Variants in GRIN2B observed in about 807,000 individuals in gnomAD.
The protein encoded by GRIN2B is glutamate receptor ionotropic, NMDA 2B.
A neutral mutation model predicts 114.5 loss-of-function variants in GRIN2B; 5 were observed. The observed-to-expected ratio is 0.04, with a 90% CI of 0.02 to 0.09. GRIN2B has a LOEUF of 0.09. GRIN2B is among the 10% of genes least tolerant of loss of function. GRIN2B has a pLI of 1.00. For synonymous variants in GRIN2B, 787 were observed against 745.1 expected, an observed-to-expected ratio of 1.06 and a Z score of -0.92; for missense variants, 1,108 against 1,943.5, an observed-to-expected ratio of 0.57 and a Z score of 8.08.
intron 4 of GRIN2B, among the ~76,000 whole-genome samples, chr12:13,744,249 T>A (rs1280417367): frequency 6.6e-6 from 1 of 152,222 alleles, no homozygotes; most frequent in Non-Finnish European, 1.5e-5. Flanking sequence ...TATCCCATAT[T>A]CAACCTTTCT....
At chr12:13,879,715 T>C (rs933672263) in intron 2 of GRIN2B, among the ~76,000 whole-genome samples, 3 of 152,186 alleles carry the variant, frequency 2.0e-5, no homozygotes, top group Non-Finnish European at 4.4e-5. Flanking sequence ...GCCATAGGAA[T>C]GGCAAGGGGG....
At chr12:13,899,968 T>C (rs904242127) in intron 2 of GRIN2B, among the ~76,000 whole-genome samples, 2 of 152,208 alleles carry the variant, frequency 1.3e-5, no homozygotes, top group African/African-American at 4.8e-5. Flanking sequence ...ATATTATTCA[T>C]AGGCTCCAAA....
chr12:13,696,883 G>C (rs1401793682), intron 4 of GRIN2B, among the ~76,000 whole-genome samples: 1 of 152,128 alleles, frequency 6.6e-6, no homozygotes, highest in Non-Finnish European at 1.5e-5. Context: ...CCCCCACCAA[G>C]CCCTTTGCAG....
chr12:13,845,231 G>A (rs1388370321), intron 3 of GRIN2B, among the ~76,000 whole-genome samples: 1 of 152,096 alleles, frequency 6.6e-6, no homozygotes, highest in Admixed American at 6.6e-5. Flanking sequence ...GTCTGCCTAC[G>A]ATTATCAGAA....
chr12:13,648,981 G>GA (rs1180143246), intron 5 of GRIN2B, among the ~76,000 whole-genome samples: 2 of 152,018 alleles, frequency 1.3e-5, no homozygotes, highest in Admixed American at 6.6e-5. Flanking sequence ...AATAGCCTGG[G>GA]AAAAAATAGC....
intron 4 of GRIN2B, among the ~76,000 whole-genome samples, chr12:13,748,003 T>C (rs1863416665): frequency 6.6e-6 from 1 of 152,204 alleles, no homozygotes; most frequent in South Asian, 2.1e-4. Context: ...ATTGAGCTTA[T>C]CACAGCTCTT....
At chr12:13,754,982 C>T (rs766496430) in intron 3 of GRIN2B, among the ~76,000 whole-genome samples, 75 of 152,198 alleles carry the variant, frequency 4.9e-4, no homozygotes, top group Non-Finnish European at 9.7e-4. Flanking sequence ...AAAATGAACA[C>T]CCTCTCAGTC....
intron 4 of GRIN2B, among the ~76,000 whole-genome samples, chr12:13,720,148 T>TA (rs1381776194): frequency 1.3e-5 from 2 of 151,870 alleles, no homozygotes; most frequent in Non-Finnish European, 2.9e-5. Context: ...TTTGTCTAAT[T>TA]AAAAAATAAG....
intron 2 of GRIN2B, among the ~76,000 whole-genome samples, chr12:13,890,007 G>A (rs1866231352): frequency 1.3e-5 from 2 of 152,138 alleles, no homozygotes; most frequent in Non-Finnish European, 1.5e-5. Flanking sequence ...AGTGAGGATC[G>A]AAACTGTCTT....
chr12:13,652,682 A>G (rs1013167731), intron 5 of GRIN2B, among the ~76,000 whole-genome samples: 5 of 152,158 alleles, frequency 3.3e-5, no homozygotes, highest in African/African-American at 1.2e-4. Context: ...CCAATCACCA[A>G]TGTCTCTTTC....
chr12:13,704,896 T>G (rs1325346823), intron 4 of GRIN2B, among the ~76,000 whole-genome samples: 9 of 152,216 alleles, frequency 5.9e-5, no homozygotes, highest in Non-Finnish European at 1.3e-4. Context: ...CATTTTTTAC[T>G]GAGCCCTAAT....
intron 3 of GRIN2B, among the ~76,000 whole-genome samples, chr12:13,831,717 C>G (rs557439938): frequency 1.3e-5 from 2 of 152,366 alleles, no homozygotes; most frequent in African/African-American, 4.8e-5. Context: ...TTGTCTGCAC[C>G]AGGCCAGACC....
At chr12:13,791,543 A>T (rs2136665292) in intron 3 of GRIN2B, among the ~76,000 whole-genome samples, 1 of 152,258 alleles carries the variant, frequency 6.6e-6, no homozygotes, top group South Asian at 2.1e-4. Flanking sequence ...CACCATGGAC[A>T]GTATGTTGCA....
chr12:13,656,165 C>A (rs1949861332), intron 5 of GRIN2B, among the ~76,000 whole-genome samples: 1 of 152,116 alleles, frequency 6.6e-6, no homozygotes, highest in South Asian at 2.1e-4. Flanking sequence ...TCAACCAAAG[C>A]ATGAACATAT....
chr12:13,835,385 C>T (rs563098614), intron 3 of GRIN2B, among the ~76,000 whole-genome samples: 14 of 152,116 alleles, frequency 9.2e-5, no homozygotes, highest in African/African-American at 2.9e-4. Flanking sequence ...AAAGGGAGCA[C>T]GTGCCTGGGA....
chr12:13,802,643 T>C (rs1367433155), intron 3 of GRIN2B, among the ~76,000 whole-genome samples: 1 of 152,176 alleles, frequency 6.6e-6, no homozygotes, highest in Non-Finnish European at 1.5e-5. Context: ...TGTTTCTTGA[T>C]GGGAAAGGAT....
chr12:13,609,082 C>T (rs1486080438), intron 9 of GRIN2B, among the ~76,000 whole-genome samples: 1 of 152,148 alleles, frequency 6.6e-6, no homozygotes. Context: ...CTTTCTTGAA[C>T]TAACAGTCAT....
chr12:13,796,499 A>G (rs1387200303), intron 3 of GRIN2B, among the ~76,000 whole-genome samples: 3 of 152,252 alleles, frequency 2.0e-5, no homozygotes, highest in South Asian at 2.1e-4. Flanking sequence ...CCTTTCCCCA[A>G]TTCAGAGAAG....
intron 10 of GRIN2B, among the ~76,000 whole-genome samples, chr12:13,577,774 G>C (rs1361085060): frequency 6.6e-6 from 1 of 152,154 alleles, no homozygotes; most frequent in East Asian, 1.9e-4. Flanking sequence ...TATTAGGGCA[G>C]GAGACTGTAT....
Sources: allele counts gnomAD v4.1 joint callset (sites outside exome capture counted in the v4.1 genomes callset), GRCh38; gene constraint gnomAD v4.1.1; transcripts MANE v1.5; gene names NCBI Gene and HGNC (gene_info 2026-07-23, HGNC 2026-07-21).